Variants in TJP1 observed in about 807,000 individuals in gnomAD.
TJP1 encodes tight junction protein ZO-1.
TJP1 carries 43 observed loss-of-function variants against 194.2 expected under a neutral mutation model. The observed-to-expected ratio is 0.22, with a 90% CI of 0.17 to 0.29. The LOEUF (loss-of-function observed/expected upper bound fraction) is 0.29. Among genes scored for constraint, TJP1 ranks in the 10% least tolerant of loss-of-function variants. TJP1 has a pLI of 1.00. For missense variants in TJP1, 1,971 were observed against 2,185.7 expected, an observed-to-expected ratio of 0.90 and a Z score of 1.96; for synonymous variants, 801 against 779.0, an observed-to-expected ratio of 1.03 and a Z score of -0.47.
chr15:29,813,704 G>A (rs1013991877), intron 1 of TJP1, among the ~76,000 whole-genome samples: 1 of 152,172 alleles, frequency 6.6e-6, no homozygotes, highest in South Asian at 2.1e-4. Context: ...TTGAAGAAGG[G>A]AGGATATGAC....
chr15:29,777,022 C>T (rs1345154020), intron 2 of TJP1, among the ~76,000 whole-genome samples: 2 of 151,764 alleles, frequency 1.3e-5, no homozygotes, highest in South Asian at 2.1e-4. Flanking sequence ...TGATGCCTGC[C>T]TTCCACCCCC....
chr15:29,802,335 C>T (rs1056167157), intron 1 of TJP1, among the ~76,000 whole-genome samples: 3 of 152,132 alleles, frequency 2.0e-5, no homozygotes, highest in Non-Finnish European at 4.4e-5. Context: ...CCCACAGCGA[C>T]TTTAATTGAA....
At chr15:29,720,759 G>GA in intron 18 of TJP1, 51 bp from the exon 19 acceptor site, 1 of 1,412,854 alleles carries the variant, frequency 7.1e-7, no homozygotes. Flanking sequence ...TTCTTTAAGA[G>GA]ATGGCCTTTA....
At chr15:29,794,424 G>A (rs956585248) in intron 2 of TJP1, among the ~76,000 whole-genome samples, 4 of 152,086 alleles carry the variant, frequency 2.6e-5, no homozygotes, top group African/African-American at 9.7e-5. Context: ...AAAGAAGCCA[G>A]GTACAAAATG....
intron 2 of TJP1, among the ~76,000 whole-genome samples, chr15:29,943,943 A>G (rs2055180352): frequency 6.6e-6 from 1 of 152,118 alleles, no homozygotes; most frequent in Non-Finnish European, 1.5e-5. Context: ...GCGAGACTCC[A>G]TCTAAAACAA....
At chr15:29,861,585 T>A (rs187873827) in intron 2 of TJP1, among the ~76,000 whole-genome samples, 1 of 152,338 alleles carries the variant, frequency 6.6e-6, no homozygotes, top group Admixed American at 6.5e-5. Flanking sequence ...TATTTGTATG[T>A]TGCCTTTGGA....
In TJP1 at chr15:29,961,587, T is replaced by C. The variant is rs760066906; in HGVS notation, c.174-5223A>G. ...CTTCCCTTGTGAGAGTGTACTTTACTTGTGGGCATGGCTGATATGCATCAA... is the reference window on the plus strand; with the variant it reads ...CTTCCCTTGTGAGAGTGTACTTTACCTGTGGGCATGGCTGATATGCATCAA... On this transcript the variant is annotated intron_variant, in intron 1 of 28. Coordinates refer to the TJP1 transcript ENST00000356107. 4.6e-5 allele frequency among the ~76,000 whole-genome samples: 7 copies of C among 152,182 alleles called. 1 individual carries two copies. Among genetic ancestry groups the C allele is most frequent in the South Asian group, 4.1e-4 (2 of 4,822 alleles).
intron 2 of TJP1, among the ~76,000 whole-genome samples, chr15:29,788,406 C>T (rs2047843654): frequency 6.6e-6 from 1 of 152,112 alleles, no homozygotes. Context: ...GAATAATTAT[C>T]CCTGTGTTTT....
intron 2 of TJP1, among the ~76,000 whole-genome samples, chr15:29,863,424 T>G (rs2052172290): frequency 6.6e-6 from 1 of 152,172 alleles, no homozygotes; most frequent in African/African-American, 2.4e-5. Flanking sequence ...AACAGAGTCC[T>G]CAGCTCACAA....
chr15:29,920,320 C>T (rs985698094), intron 2 of TJP1, among the ~76,000 whole-genome samples: 2 of 152,142 alleles, frequency 1.3e-5, no homozygotes, highest in Non-Finnish European at 2.9e-5. Context: ...TTTAGCATTT[C>T]ACAAAATATA....
At chr15:29,862,562 A>T (rs1229043625) in intron 2 of TJP1, among the ~76,000 whole-genome samples, 1 of 151,996 alleles carries the variant, frequency 6.6e-6, no homozygotes, top group Non-Finnish European at 1.5e-5. Flanking sequence ...AAGCGGAGTG[A>T]TGGGAGCCAA....
intron 1 of TJP1, chr15:29,821,541 G>GA: frequency 6.6e-6 from 1 of 152,270 alleles, no homozygotes; most frequent in African/African-American, 2.4e-5. Context: ...ACATCAGATC[G>GA]AAACTACAGG....
intron 2 of TJP1, among the ~76,000 whole-genome samples, chr15:29,946,139 T>C (rs1376556490): frequency 6.6e-6 from 1 of 152,290 alleles, no homozygotes; most frequent in East Asian, 1.9e-4. Context: ...GCTCCCACTG[T>C]CTAAATCACA....
At chr15:29,902,579 T>A (rs1381240737) in intron 2 of TJP1, among the ~76,000 whole-genome samples, 1 of 152,202 alleles carries the variant, frequency 6.6e-6, no homozygotes, top group African/African-American at 2.4e-5. Context: ...CTGTTCTGTA[T>A]GAACAAAATT....
chr15:29,814,259 T>C (rs530922072), intron 1 of TJP1, among the ~76,000 whole-genome samples: 1 of 152,340 alleles, frequency 6.6e-6, no homozygotes, highest in South Asian at 2.1e-4. Context: ...ACCATAAGTT[T>C]GCTCGTATTT....
chr15:29,929,568 A>C (rs1360252251), intron 2 of TJP1, among the ~76,000 whole-genome samples: 3 of 152,048 alleles, frequency 2.0e-5, no homozygotes, highest in Admixed American at 2.0e-4. Context: ...GTGGCGGTGA[A>C]TGTCTGTAAT....
chr15:29,830,817 A>C (rs1368417829), intron 2 of TJP1, among the ~76,000 whole-genome samples: 3 of 152,174 alleles, frequency 2.0e-5, no homozygotes, highest in Non-Finnish European at 4.4e-5. Flanking sequence ...GTCTGGAGCA[A>C]GAAATATACA....
chr15:29,897,076 G>A (rs1357486797), intron 2 of TJP1, among the ~76,000 whole-genome samples: 2 of 152,186 alleles, frequency 1.3e-5, no homozygotes, highest in Non-Finnish European at 2.9e-5. Context: ...TGGGGAAAAT[G>A]TCTCCAGGGC....
intron 20 of TJP1, 86 bp from the exon 21 acceptor site, chr15:29,719,224 G>T: frequency 2.3e-6 from 3 of 1,288,280 alleles, no homozygotes; most frequent in South Asian, 1.5e-5. Context: ...ATTAAACTAC[G>T]ATTTAATATG....
Sources: gnomAD v4.1 joint callset for allele counts (sites outside exome capture counted in the v4.1 genomes callset) on GRCh38, gnomAD v4.1.1 for gene constraint, MANE v1.5 for transcripts, NCBI Gene and HGNC (gene_info 2026-07-23, HGNC 2026-07-21) for gene names.